Variants in SPATA6 observed in about 807,000 individuals in gnomAD.
SPATA6 encodes the protein spermatogenesis-associated protein 6.
SPATA6 carries 56 observed loss-of-function variants against 65.3 expected under a neutral mutation model. The ratio of observed to expected loss-of-function variants is 0.86; its 90% confidence interval spans 0.69 to 1.07. The LOEUF (loss-of-function observed/expected upper bound fraction) is 1.07, where lower values mean the gene tolerates loss of function less well. Among genes scored for constraint, SPATA6 ranks in the 50% least tolerant of loss-of-function variants. SPATA6 has a pLI of 0.00. For missense variants in SPATA6, 590 were observed against 594.8 expected (o/e 0.99, Z 0.08); for synonymous variants, 199 against 213.2 (o/e 0.93, Z 0.58).
intron 1 of SPATA6, among the ~76,000 whole-genome samples, chr1:48,455,483 C>T (rs1054752104): frequency 6.6e-6 from 1 of 151,706 alleles, no homozygotes; most frequent in African/African-American, 2.4e-5. Flanking sequence ...CCCAGGTTCC[C>T]GCCATTCTCC....
At chr1:48,415,442 T>A (rs956557978) in intron 3 of SPATA6, among the ~76,000 whole-genome samples, 1 of 152,158 alleles carries the variant, frequency 6.6e-6, no homozygotes, top group Non-Finnish European at 1.5e-5. Context: ...TTTTTGTTTT[T>A]AACACAGACA....
At chr1:48,369,056 C>T (rs1251486555) in intron 9 of SPATA6, among the ~76,000 whole-genome samples, 1 of 152,186 alleles carries the variant, frequency 6.6e-6, no homozygotes, top group Non-Finnish European at 1.5e-5. Flanking sequence ...TGCTAGAGGT[C>T]CACTCCACAC....
At chr1:48,294,459 T>C (rs1367175675), downstream of SPATA6, among the ~76,000 whole-genome samples, 1 of 152,216 alleles carries the variant, frequency 6.6e-6, no homozygotes, top group Non-Finnish European at 1.5e-5. Context: ...ATTAAATTAC[T>C]TGAGGTCCAG....
intron 12 of SPATA6, among the ~76,000 whole-genome samples, chr1:48,301,723 C>T: frequency 6.6e-6 from 1 of 152,066 alleles, no homozygotes; most frequent in East Asian, 1.9e-4. Flanking sequence ...GAAATAAATC[C>T]ACACATTTAC....
At chr1:48,324,861 A>G (rs1345341966) in intron 11 of SPATA6, among the ~76,000 whole-genome samples, 2 of 152,216 alleles carry the variant, frequency 1.3e-5, no homozygotes, top group African/African-American at 4.8e-5. Context: ...CAGACCAGAA[A>G]GAAAGAAAGG....
intron 3 of SPATA6, among the ~76,000 whole-genome samples, chr1:48,443,833 C>T (rs111657699): frequency 6.6e-6 from 1 of 152,178 alleles, no homozygotes; most frequent in Non-Finnish European, 1.5e-5. Context: ...TTTTAACCTC[C>T]TTGTCAAATT....
At chr1:48,294,425 C>T (rs1371353405), downstream of SPATA6, among the ~76,000 whole-genome samples, 1 of 152,160 alleles carries the variant, frequency 6.6e-6, no homozygotes, top group East Asian at 1.9e-4. Context: ...TCACTACCAC[C>T]AGAGCCTCCT....
At chr1:48,318,755 C>A (rs959738382) in intron 11 of SPATA6, among the ~76,000 whole-genome samples, 3 of 151,868 alleles carry the variant, frequency 2.0e-5, no homozygotes, top group East Asian at 1.9e-4. Context: ...AGTTTTCTTG[C>A]AAAAATTGAA....
chr1:48,460,954 G>C (rs1024314131), intron 1 of SPATA6, among the ~76,000 whole-genome samples: 4 of 151,502 alleles, frequency 2.6e-5, no homozygotes, highest in Admixed American at 6.6e-5. Flanking sequence ...TCTGGTTCAA[G>C]GGCTGCCTGA....
rs573253481 is a variant in SPATA6, at chr1:48,415,844, G to T, written c.239-2693C>A. On this transcript the variant is annotated intron_variant, in intron 3 of 12. Transcript: ENST00000371847. ...CAGGAAGGTCAGAGAAGAGCAAGGA[G>T]AATAAATGCCCCCCAAAATATCCCT... 1.7e-4 allele frequency among the ~76,000 whole-genome samples: 26 copies of T among 152,090 alleles called. 1 individual carries two copies. In the South Asian group the frequency reaches 5.4e-3, roughly 32 times the overall value.
intron 11 of SPATA6, among the ~76,000 whole-genome samples, chr1:48,342,711 G>A (rs1570214180): frequency 6.6e-6 from 1 of 152,098 alleles, no homozygotes; most frequent in South Asian, 2.1e-4. Flanking sequence ...AGCAGAGAGT[G>A]TAGTGACTGA....
chr1:48,349,868 A>G (rs906245451), intron 11 of SPATA6, among the ~76,000 whole-genome samples: 4 of 151,960 alleles, frequency 2.6e-5, no homozygotes, highest in Non-Finnish European at 4.4e-5. Context: ...CCATTCACCA[A>G]TGAAGGGCAT....
intron 6 of SPATA6, chr1:48,400,802 T>G (rs1387722477): frequency 7.7e-7 from 1 of 1,296,602 alleles, no homozygotes; most frequent in Non-Finnish European, 1.0e-6. Context: ...CATCTTTCCT[T>G]CTTCTGTAGT....
chr1:48,261,783 A>G, the SPATA6 span, among the ~76,000 whole-genome samples: 8 of 152,134 alleles, frequency 5.3e-5, no homozygotes, highest in Non-Finnish European at 7.4e-5. Context: ...ATATGTTGTT[A>G]CCAAATAATA....
chr1:48,431,335 C>T (rs1310298275), intron 3 of SPATA6, among the ~76,000 whole-genome samples: 1 of 151,838 alleles, frequency 6.6e-6, no homozygotes, highest in Non-Finnish European at 1.5e-5. Context: ...CATCAATAAC[C>T]ACTCTAAATA....
intron 8 of SPATA6, among the ~76,000 whole-genome samples, chr1:48,387,651 C>T (rs1004540489): frequency 3.9e-5 from 6 of 152,162 alleles, no homozygotes; most frequent in African/African-American, 1.4e-4. Context: ...GCAAGACAGG[C>T]CTGACTCTGC....
chr1:48,298,821 A>G lies in SPATA6; in HGVS notation c.1359T>C (p.Tyr453=), dbSNP rs1644861670. The stretch of plus-strand genomic sequence containing the variant: ...AGATGGGTCGGTGGGATTTTCCCTT[A>G]TAAGAGGCTGCCCTGTTGGACCAGT... The part of the protein sequence containing the change: ...GEYWSNRAAS[Y]KGKSHRPIFE... The change falls in exon 13 of 13, where the codon TAT becomes TAC. Residue 453 remains tyrosine, a synonymous_variant. Coordinates refer to ENST00000371847, the MANE Select transcript of SPATA6 (RefSeq NM_019073.4). 1 of 1,614,036 alleles carries G rather than the reference A, an allele frequency of 6.2e-7. No individual in the cohort carries two copies. The highest frequency in any genetic ancestry group is 1.3e-5 in the African/African-American group (1 of 75,030).
intron 3 of SPATA6, among the ~76,000 whole-genome samples, chr1:48,435,736 G>C (rs6587890): frequency 3.3e-5 from 5 of 151,604 alleles, no homozygotes; most frequent in African/African-American, 1.2e-4. Context: ...TCGCGGCCTC[G>C]CCGCCCTCCC....
the SPATA6 span, among the ~76,000 whole-genome samples, chr1:48,275,670 T>A: frequency 3.6e-4 from 55 of 152,324 alleles, no homozygotes; most frequent in South Asian, 1.0e-3. Flanking sequence ...TTTTATGGTA[T>A]GTTTTTATGT....
Sources: gnomAD v4.1 joint callset for allele counts (sites outside exome capture counted in the v4.1 genomes callset) on GRCh38, gnomAD v4.1.1 for gene constraint, MANE v1.5 for transcripts, NCBI Gene and HGNC (gene_info 2026-07-23, HGNC 2026-07-21) for gene names.